The following CCDC57 variants were observed in gnomAD, a reference collection of about 807,000 sequenced individuals.
CCDC57 encodes the protein coiled-coil domain containing 57, also known as coiled-coil domain-containing protein 57.
In CCDC57, 118 loss-of-function variants were observed where a neutral mutation model predicts 118.9. That is an observed-to-expected ratio of 0.99 (90% CI 0.86 to 1.16). The LOEUF is 1.16. CCDC57 is among the 50% of genes most tolerant of loss of function. The probability of loss-of-function intolerance (pLI) is 0.00; values close to 1 mark genes in which losing one functional copy is unlikely to be tolerated. For synonymous variants in CCDC57, 527 were observed against 532.9 expected (o/e 0.99, Z 0.15); for missense variants, 1,300 against 1,320.7 (o/e 0.98, Z 0.24).
chr17:82,201,730 T>C, exon 3 of CCDC57: 10 of 1,613,936 alleles, frequency 6.2e-6, no homozygotes, highest in Non-Finnish European at 8.5e-6. Flanking sequence ...GTCATAGCGC[T>C]CCAGCTCGAG....
intron 19 of CCDC57, among the ~76,000 whole-genome samples, chr17:82,103,157 C>A (rs780974358): frequency 6.6e-6 from 1 of 152,234 alleles, no homozygotes; most frequent in South Asian, 2.1e-4. Context: ...AGCTGGGCTG[C>A]GCAGTGCCCA....
intron 19 of CCDC57, chr17:82,126,956 CA>C: frequency 1.0e-6 from 1 of 985,434 alleles, no homozygotes; most frequent in Non-Finnish European, 1.2e-6. Flanking sequence ...GCCCCAACCA[CA>C]TCACACGTCC....
chr17:82,197,173 T>G (rs1355622949), intron 4 of CCDC57, among the ~76,000 whole-genome samples: 1 of 121,692 alleles, frequency 8.2e-6, no homozygotes, highest in Non-Finnish European at 1.7e-5. Flanking sequence ...ACGCAGCCCC[T>G]CGTGACTCCT....
At chr17:82,171,223 G>C (rs1383446668) in intron 13 of CCDC57, among the ~76,000 whole-genome samples, 1 of 139,972 alleles carries the variant, frequency 7.1e-6, no homozygotes, top group African/African-American at 2.7e-5. Flanking sequence ...TGAGGAGCCA[G>C]GGCACGTGGG....
intron 19 of CCDC57, among the ~76,000 whole-genome samples, chr17:82,123,293 CT>C (rs35898082): frequency 0.38 from 42,382 of 110,928 alleles, 7,323 homozygotes; most frequent in Admixed American, 0.47. Flanking sequence ...GTGCCCGGCC[CT>C]TTTTTTTTTT....
At chr17:82,150,362 G>C (rs1448435822) in intron 16 of CCDC57, among the ~76,000 whole-genome samples, 2 of 145,458 alleles carry the variant, frequency 1.4e-5, no homozygotes, top group East Asian at 4.4e-4. Flanking sequence ...CGCACACCCA[G>C]AACCTGGTGC....
chr17:82,198,574 C>T, intron 3 of CCDC57, 152 bp from the exon 3 acceptor site: 1 of 594,712 alleles, frequency 1.7e-6, no homozygotes, highest in Non-Finnish European at 3.0e-6. Context: ...AACTTCCAGC[C>T]CCACCTGGAC....
chr17:82,159,421 C>T (rs1452141092), intron 14 of CCDC57, among the ~76,000 whole-genome samples: 1 of 152,212 alleles, frequency 6.6e-6, no homozygotes, highest in East Asian at 1.9e-4. Flanking sequence ...CTTCAACTCC[C>T]TCGACTGGAG....
chr17:82,181,633 TAAA>T (rs2046220832), intron 9 of CCDC57, among the ~76,000 whole-genome samples: 1 of 152,066 alleles, frequency 6.6e-6, no homozygotes, highest in African/African-American at 2.4e-5. Flanking sequence ...GACTCAGAAA[TAAA>T]GATATGATGG....
At chr17:82,104,151 G>A (rs987163862) in intron 19 of CCDC57, among the ~76,000 whole-genome samples, 1 of 152,206 alleles carries the variant, frequency 6.6e-6, no homozygotes, top group Admixed American at 6.5e-5. Context: ...GTGTAAAAAC[G>A]CTCTTGGCCT....
At chr17:82,129,937 C>T (rs1255799557) in intron 17 of CCDC57, among the ~76,000 whole-genome samples, 1 of 151,908 alleles carries the variant, frequency 6.6e-6, no homozygotes, top group African/African-American at 2.4e-5. Context: ...TAGCTCACAC[C>T]TGTAACCCTA....
chr17:82,155,783 T>C (rs1166610647), intron 15 of CCDC57: 4 of 152,222 alleles, frequency 2.6e-5, no homozygotes, highest in Non-Finnish European at 5.9e-5. Flanking sequence ...AGCTCAGCCA[T>C]GCTGCTTGGC....
At chr17:82,131,066 G>A (rs1348941959) in intron 17 of CCDC57, among the ~76,000 whole-genome samples, 1 of 151,386 alleles carries the variant, frequency 6.6e-6, no homozygotes, top group Admixed American at 6.6e-5. Context: ...ACCCGTCTCG[G>A]CCTCCCAAAG....
In CCDC57 at chr17:82,118,842, G is replaced by C. The variant is rs1001575458; in HGVS notation, c.2899+8850C>G. Among the ~76,000 whole-genome samples, 1 of 151,772 alleles carries C rather than the reference G, an allele frequency of 6.6e-6. No homozygotes were observed. Among genetic ancestry groups the C allele is most frequent in the African/African-American group, 2.4e-5 (1 of 41,250 alleles). Reference sequence around the variant, plus strand: ...TTAGAAATCTGTGATTTCTTCACCCGTATCTAAGGTTAACCCTCTTCCGGC... The same window carrying C: ...TTAGAAATCTGTGATTTCTTCACCCCTATCTAAGGTTAACCCTCTTCCGGC... On this transcript the variant is annotated intron_variant, in intron 19 of 19. Transcript: ENST00000665763. The surrounding 1 kb of genome is among the most constrained non-coding windows in gnomAD (Gnocchi z 4.7).
intron 2 of CCDC57, among the ~76,000 whole-genome samples, chr17:82,205,604 G>A (rs1476567924): frequency 6.6e-6 from 1 of 152,158 alleles, no homozygotes; most frequent in Admixed American, 6.5e-5. Flanking sequence ...CACTGGGTGA[G>A]GTTCCTTCCC....
intron 13 of CCDC57, among the ~76,000 whole-genome samples, chr17:82,168,817 A>C (rs551252041): frequency 7.2e-4 from 109 of 151,832 alleles, no homozygotes; most frequent in Non-Finnish European, 1.4e-3. Flanking sequence ...CTAAATGTAT[A>C]CACATCTAAC....
At chr17:82,205,620 G>A (rs747355648) in intron 2 of CCDC57, among the ~76,000 whole-genome samples, 2 of 152,112 alleles carry the variant, frequency 1.3e-5, no homozygotes, top group Non-Finnish European at 2.9e-5. Flanking sequence ...TTCCCACCAG[G>A]TCTCAGGACT....
chr17:82,171,682 C>G lies in CCDC57; in HGVS notation c.1882+19G>C, dbSNP rs1431408459. ...GTTTATAAGGGGACAGCAAGTACCC[C>G]ACTGAGACGCGGACTTACCAGTCGT... On this transcript the variant is annotated intron_variant, in intron 13 of 19. Coordinates refer to ENST00000665763, the Ensembl canonical transcript of CCDC57. 1 of 1,603,944 alleles carries G rather than the reference C, an allele frequency of 6.2e-7. No individual in the cohort carries two copies. Among genetic ancestry groups the G allele is most frequent in the Non-Finnish European group, 8.5e-7 (1 of 1,171,594 alleles).
chr17:82,208,482 C>T (rs1042934700), intron 1 of CCDC57, among the ~76,000 whole-genome samples: 11 of 152,002 alleles, frequency 7.2e-5, no homozygotes, highest in Admixed American at 6.6e-4. Context: ...GTCTTGAACT[C>T]CTGACCTCGT....
Sources: allele counts gnomAD v4.1 joint callset (sites outside exome capture counted in the v4.1 genomes callset), GRCh38; gene constraint gnomAD v4.1.1; non-coding constraint Gnocchi (gnomAD v3.1); transcripts MANE v1.5; gene names NCBI Gene and HGNC (gene_info 2026-07-23, HGNC 2026-07-21).